The following SEMA5A variants were observed in gnomAD, a reference collection of about 807,000 sequenced individuals.
SEMA5A encodes semaphorin-5A.
A neutral mutation model predicts 135.5 loss-of-function variants in SEMA5A; 55 were observed. The ratio of observed to expected loss-of-function variants is 0.41; its 90% confidence interval spans 0.33 to 0.51. The LOEUF (loss-of-function observed/expected upper bound fraction) is 0.51. SEMA5A is among the 20% of genes least tolerant of loss of function. The pLI is 0.37. For synonymous variants in SEMA5A, 580 were observed against 546.5 expected, an observed-to-expected ratio of 1.06 and a Z score of -0.85; for missense variants, 1,290 against 1,419.9, an observed-to-expected ratio of 0.91 and a Z score of 1.47.
At chr5:9,544,346 T>C (rs364918) in intron 1 of SEMA5A, among the ~76,000 whole-genome samples, 138,125 of 152,260 alleles carry the variant, frequency 0.91, 62,811 homozygotes, top group African/African-American at 0.97. Flanking sequence ...TGAGTAAATG[T>C]AACAGTCACA....
intron 11 of SEMA5A, among the ~76,000 whole-genome samples, chr5:9,180,506 A>T (rs1744444470): frequency 1.9e-5 from 2 of 105,970 alleles, no homozygotes; most frequent in East Asian, 6.9e-4. Context: ...GAGTGAATGT[A>T]AAAAAAAAAA....
At chr5:9,270,460 CAG>C (rs1391967673) in intron 5 of SEMA5A, among the ~76,000 whole-genome samples, 1 of 152,014 alleles carries the variant, frequency 6.6e-6, no homozygotes, top group Non-Finnish European at 1.5e-5. Flanking sequence ...TGACAATTTT[CAG>C]AGATAGATGA....
Position 9,118,889 on chromosome 5 carries a change from C to T in SEMA5A, c.1925+109G>A, listed in dbSNP as rs566941852. The T allele has an allele frequency of 1.2e-5, 16 of 1,359,104 alleles. No homozygotes were observed. The South Asian group carries it at 2.1e-4, about 18-fold the overall frequency. The allele number at this position is 1,359,104 out of a possible 1,614,324, so 84.2% of individuals were successfully genotyped here. A position where few individuals can be genotyped will look rare whatever the true frequency, so the allele number is the denominator to read the frequency against. ...ACGACTGGCTCAGCGGAAAGGGATG[C>T]CACACATAAGCTTAGGCAGATCCAA... On this transcript the variant is annotated intron_variant, in intron 15 of 22. Coordinates refer to ENST00000382496, the MANE Select transcript of SEMA5A (RefSeq NM_003966.3).
intron 1 of SEMA5A, chr5:9,516,750 G>A (rs185297395): frequency 5.3e-5 from 8 of 152,372 alleles, no homozygotes; most frequent in Admixed American, 4.6e-4. Context: ...GCAACTGGAA[G>A]ACCAATGAGA....
chr5:9,506,573 T>G (rs1278148967), intron 1 of SEMA5A, among the ~76,000 whole-genome samples: 1 of 152,180 alleles, frequency 6.6e-6, no homozygotes, highest in Non-Finnish European at 1.5e-5. Flanking sequence ...GTCCTAGGTC[T>G]CTTGTATGCT....
Position 9,380,043 on chromosome 5 carries a change from A to G in SEMA5A, c.-77-20T>C, listed in dbSNP as rs1755529743. On this transcript the variant is annotated intron_variant, in intron 2 of 22. Coordinates refer to ENST00000382496, the MANE Select transcript of SEMA5A (RefSeq NM_003966.3). ...AAGTGCCTAAAACACACAAAAGAGAAGAATCAGATGACTGTGAGTTCGTTT... is the reference window on the plus strand; with the variant it reads ...AAGTGCCTAAAACACACAAAAGAGAGGAATCAGATGACTGTGAGTTCGTTT... The G allele has an allele frequency of 6.9e-7, 1 of 1,456,228 alleles. No individual in the cohort carries two copies. Among genetic ancestry groups the G allele is most frequent in the Admixed American group, 2.3e-5 (1 of 42,676 alleles). 90.2% of individuals were successfully genotyped at this position (1,456,228 alleles called of 1,614,324 possible). A position where few individuals can be genotyped will look rare whatever the true frequency, so the allele number is the denominator to read the frequency against.
chr5:9,080,338 A>G (rs745344343), intron 16 of SEMA5A, among the ~76,000 whole-genome samples: 7 of 152,160 alleles, frequency 4.6e-5, no homozygotes, highest in Non-Finnish European at 1.0e-4. Flanking sequence ...CATAAGTAGG[A>G]GTTGAACAAT....
intron 5 of SEMA5A, among the ~76,000 whole-genome samples, chr5:9,244,473 G>T: frequency 6.6e-6 from 1 of 152,108 alleles, no homozygotes; most frequent in East Asian, 1.9e-4. Flanking sequence ...CTAGATAATG[G>T]CTGTGCCTCC....
At chr5:9,247,613 GC>G (rs1346848293) in intron 5 of SEMA5A, among the ~76,000 whole-genome samples, 1 of 152,064 alleles carries the variant, frequency 6.6e-6, no homozygotes, top group African/African-American at 2.4e-5. Context: ...AAAAATGCTT[GC>G]TTCCTGAGAT....
chr5:9,159,002 T>A (rs1274436985), intron 11 of SEMA5A, among the ~76,000 whole-genome samples: 1 of 152,210 alleles, frequency 6.6e-6, no homozygotes, highest in African/African-American at 2.4e-5. Context: ...CACTATTCAA[T>A]ATTATTCATG....
At chr5:9,509,399 C>T (rs978282563) in intron 1 of SEMA5A, among the ~76,000 whole-genome samples, 2 of 151,992 alleles carry the variant, frequency 1.3e-5, no homozygotes, top group African/African-American at 2.4e-5. Context: ...CTCAGCCTCC[C>T]GAGTAGCTGG....
intron 3 of SEMA5A, among the ~76,000 whole-genome samples, chr5:9,359,612 C>T (rs1001328815): frequency 1.3e-5 from 2 of 152,130 alleles, no homozygotes; most frequent in Non-Finnish European, 2.9e-5. Context: ...ACTTTTGCAC[C>T]TATAATAACT....
intron 8 of SEMA5A, among the ~76,000 whole-genome samples, chr5:9,203,192 T>C (rs1408589911): frequency 2.0e-5 from 3 of 152,240 alleles, no homozygotes; most frequent in African/African-American, 4.8e-5. Context: ...AAGGTTTTAT[T>C]CTTCGCTATT....
At chr5:9,075,289 T>C (rs1423769353) in intron 16 of SEMA5A, among the ~76,000 whole-genome samples, 3 of 152,180 alleles carry the variant, frequency 2.0e-5, no homozygotes, top group African/African-American at 4.8e-5. Flanking sequence ...GTCAAACGTA[T>C]ACATATCACA....
At chr5:9,046,229 C>A (rs1340925898) in intron 21 of SEMA5A, among the ~76,000 whole-genome samples, 1 of 152,218 alleles carries the variant, frequency 6.6e-6, no homozygotes. Context: ...TCACTAATAC[C>A]TTTCCCTGAC....
At chr5:9,227,294 A>T (rs1747366382) in intron 6 of SEMA5A, among the ~76,000 whole-genome samples, 2 of 152,210 alleles carry the variant, frequency 1.3e-5, no homozygotes, top group South Asian at 2.1e-4. Context: ...GACAGAAATG[A>T]TTTCATTTTG....
chr5:9,432,690 G>A (rs972219592), intron 2 of SEMA5A, among the ~76,000 whole-genome samples: 10 of 152,076 alleles, frequency 6.6e-5, no homozygotes, highest in African/African-American at 1.9e-4. Flanking sequence ...ATTATTGTAC[G>A]CACATCACAA....
intron 16 of SEMA5A, among the ~76,000 whole-genome samples, chr5:9,102,028 C>T (rs12519166): frequency 0.046 from 7,067 of 152,224 alleles, 481 homozygotes; most frequent in East Asian, 0.23. Context: ...GAAAACTTTT[C>T]ATATATCTCT....
chr5:9,296,281 C>A (rs936187999), intron 5 of SEMA5A, among the ~76,000 whole-genome samples: 5 of 152,078 alleles, frequency 3.3e-5, no homozygotes, highest in Non-Finnish European at 7.4e-5. Context: ...CTTATCATAT[C>A]TTTGAGGTTG....
Sources: gnomAD v4.1 joint callset for allele counts (sites outside exome capture counted in the v4.1 genomes callset) on GRCh38, gnomAD v4.1.1 for gene constraint, MANE v1.5 for transcripts, NCBI Gene and HGNC (gene_info 2026-07-23, HGNC 2026-07-21) for gene names.